The following ABI3BP variants were observed in gnomAD, a reference collection of about 807,000 sequenced individuals.
ABI3BP encodes the protein target of Nesh-SH3.
Under a neutral mutation model 268.6 loss-of-function variants are expected in ABI3BP, and 216 were observed. The ratio of observed to expected loss-of-function variants is 0.80; its 90% confidence interval spans 0.72 to 0.90. The LOEUF (loss-of-function observed/expected upper bound fraction) is 0.90. Among genes scored for constraint, ABI3BP ranks in the 40% least tolerant of loss-of-function variants. The pLI is 0.00. For missense variants in ABI3BP, 2,090 were observed against 2,182.4 expected (o/e 0.96, Z 0.84); for synonymous variants, 730 against 730.0 (o/e 1.00, Z 0.00).
chr3:100,858,050 A>G (rs1010323954), intron 14 of ABI3BP, among the ~76,000 whole-genome samples: 1 of 152,236 alleles, frequency 6.6e-6, no homozygotes, highest in Admixed American at 6.5e-5. Context: ...TAAAACATGA[A>G]CCAATTTTAT....
rs1176534724 is a variant in ABI3BP, at chr3:100,886,311, A to T, written c.474T>A (p.Ile158=). The change falls in exon 5 of 68, where the codon ATT becomes ATA. Residue 158 remains isoleucine (I), a synonymous_variant. Transcript: ENST00000471714. ...SHCPNDRFYT[I]RYREKDKEKK... is the part of the protein sequence containing the mutation. ...TTTCTTTATCCTTTTCTCGATAGCG[A>T]ATTGTATAAAATCTGTTGAATAACC... The T allele has an allele frequency of 1.1e-5, 17 of 1,593,622 alleles. No individual in the cohort carries two copies. The highest frequency in any genetic ancestry group is 2.7e-5 in the African/African-American group (2 of 74,194).
chr3:100,947,872 G>A (rs2073222136), intron 1 of ABI3BP, among the ~76,000 whole-genome samples: 1 of 152,136 alleles, frequency 6.6e-6, no homozygotes, highest in Non-Finnish European at 1.5e-5. Context: ...CAAAGATTGC[G>A]GGACTGAGGT....
intron 55 of ABI3BP, among the ~76,000 whole-genome samples, chr3:100,790,096 C>G (rs2097157893): frequency 6.6e-6 from 1 of 151,946 alleles, no homozygotes; most frequent in African/African-American, 2.4e-5. Context: ...ATCTGGTGCC[C>G]TGCCTATCAA....
chr3:100,941,444 T>C (rs1185586119), intron 1 of ABI3BP, among the ~76,000 whole-genome samples: 2 of 152,120 alleles, frequency 1.3e-5, no homozygotes, highest in Admixed American at 6.6e-5. Flanking sequence ...CAGAAGACGG[T>C]TACTTTCGAA....
At chr3:100,960,456 A>T (rs1008127712) in intron 1 of ABI3BP, among the ~76,000 whole-genome samples, 14 of 152,226 alleles carry the variant, frequency 9.2e-5, no homozygotes, top group Non-Finnish European at 1.9e-4. Flanking sequence ...CAACAGCTAG[A>T]CACATCATCT....
intron 51 of ABI3BP, among the ~76,000 whole-genome samples, chr3:100,799,487 C>A (rs2097456497): frequency 6.6e-6 from 1 of 152,156 alleles, no homozygotes; most frequent in Non-Finnish European, 1.5e-5. Flanking sequence ...TTTCTAAAAT[C>A]TGGAAACTGC....
At chr3:100,777,791 C>G (rs1364564958) in intron 59 of ABI3BP, among the ~76,000 whole-genome samples, 1 of 152,208 alleles carries the variant, frequency 6.6e-6, no homozygotes, top group Non-Finnish European at 1.5e-5. Context: ...GTTGCACAGG[C>G]TAGGCCTTTC....
At chr3:100,796,740 T>C (rs1313810206) in intron 51 of ABI3BP, among the ~76,000 whole-genome samples, 1 of 152,092 alleles carries the variant, frequency 6.6e-6, no homozygotes, top group African/African-American at 2.4e-5. Flanking sequence ...GCTAACATAA[T>C]TAAACAATGA....
At chr3:100,808,987 G>A (rs1560303557) in intron 49 of ABI3BP, among the ~76,000 whole-genome samples, 1 of 152,090 alleles carries the variant, frequency 6.6e-6, no homozygotes, top group Non-Finnish European at 1.5e-5. Context: ...TCAACGTCAT[G>A]TAGTTTCAGA....
intron 1 of ABI3BP, among the ~76,000 whole-genome samples, chr3:100,934,595 A>G (rs1384495193): frequency 6.6e-6 from 1 of 152,176 alleles, no homozygotes; most frequent in Admixed American, 6.5e-5. Flanking sequence ...TTACACTCCC[A>G]CCAACAGTGT....
intron 1 of ABI3BP, among the ~76,000 whole-genome samples, chr3:100,932,902 C>T (rs1323362233): frequency 6.6e-6 from 1 of 151,646 alleles, no homozygotes; most frequent in Non-Finnish European, 1.5e-5. Flanking sequence ...AACCCTAACA[C>T]ATGGTACTCA....
intron 2 of ABI3BP, among the ~76,000 whole-genome samples, chr3:100,925,353 T>A (rs187695339): frequency 5.3e-5 from 8 of 152,228 alleles, no homozygotes; most frequent in Non-Finnish European, 1.2e-4. Flanking sequence ...AAACCTCTTA[T>A]TAGACTATCC....
intron 1 of ABI3BP, among the ~76,000 whole-genome samples, chr3:100,937,925 T>C (rs924435786): frequency 6.6e-6 from 1 of 152,052 alleles, no homozygotes; most frequent in African/African-American, 2.4e-5. Context: ...ATAGATTGTA[T>C]TAAATTAAAC....
intron 2 of ABI3BP, among the ~76,000 whole-genome samples, chr3:100,904,084 T>C (rs80250915): frequency 0.056 from 8,524 of 152,262 alleles, 344 homozygotes; most frequent in East Asian, 0.19. Context: ...TAAACTACCA[T>C]GTACTGAACG....
At chr3:100,991,159 T>A (rs1342433848) in intron 1 of ABI3BP, among the ~76,000 whole-genome samples, 1 of 152,158 alleles carries the variant, frequency 6.6e-6, no homozygotes, top group Non-Finnish European at 1.5e-5. Context: ...GGTCCATAAA[T>A]CCAAAGGTCT....
At chr3:100,765,012 A>T (rs1003710001) in intron 63 of ABI3BP, among the ~76,000 whole-genome samples, 2 of 152,014 alleles carry the variant, frequency 1.3e-5, no homozygotes, top group Non-Finnish European at 2.9e-5. Flanking sequence ...AGATCAGAAG[A>T]GTCTCCCTAC....
At chr3:100,830,891 T>G (rs2098480269) in intron 31 of ABI3BP, among the ~76,000 whole-genome samples, 1 of 152,198 alleles carries the variant, frequency 6.6e-6, no homozygotes, top group Non-Finnish European at 1.5e-5. Context: ...TAGTAAGATC[T>G]TCTTGTTGGT....
At chr3:100,811,615 T>C in intron 47 of ABI3BP, 113 bp downstream of exon 47, 1 of 1,057,368 alleles carries the variant, frequency 9.5e-7, no homozygotes, top group Non-Finnish European at 1.4e-6. Context: ...CCTTCAAATC[T>C]GTTTAATTGT....
At chr3:100,885,748 C>T (rs557429934) in intron 5 of ABI3BP, among the ~76,000 whole-genome samples, 160 bp from the exon 6 acceptor site, 4 of 152,084 alleles carry the variant, frequency 2.6e-5, no homozygotes, top group Admixed American at 1.3e-4. Context: ...GTTTTAATGA[C>T]GGGATGACTG....
Sources: allele counts gnomAD v4.1 joint callset (sites outside exome capture counted in the v4.1 genomes callset), GRCh38; gene constraint gnomAD v4.1.1; transcripts MANE v1.5; gene names NCBI Gene and HGNC (gene_info 2026-07-23, HGNC 2026-07-21).